NUP50: variants seen among roughly 807,000 people sequenced by gnomAD.
NUP50 encodes the protein nuclear pore complex protein Nup50.
A neutral mutation model predicts 36.8 loss-of-function variants in NUP50; 14 were observed. The ratio of observed to expected loss-of-function variants is 0.38; its 90% confidence interval spans 0.25 to 0.59. The LOEUF is 0.59. Ranked by LOEUF, NUP50 falls within the 20% of genes least tolerant of loss-of-function variation. The probability of loss-of-function intolerance (pLI) is 0.63; values close to 1 mark genes in which losing one functional copy is unlikely to be tolerated. For synonymous variants in NUP50, 195 were observed against 210.8 expected (o/e 0.93, Z 0.65); for missense variants, 455 against 564.6 (o/e 0.81, Z 1.97).
chr22:45,170,693 G>T (rs183089343), intron 2 of NUP50, among the ~76,000 whole-genome samples: 4 of 151,972 alleles, frequency 2.6e-5, no homozygotes, highest in Non-Finnish European at 5.9e-5. Flanking sequence ...TTGGTTTTTT[G>T]TTGTTGTTGG....
At chr22:45,165,240 C>T (rs1353613995) in intron 1 of NUP50, among the ~76,000 whole-genome samples, 2 of 152,098 alleles carry the variant, frequency 1.3e-5, no homozygotes, top group Non-Finnish European at 2.9e-5. Flanking sequence ...TTTTAAATTC[C>T]CTTTTATTGA....
At chr22:45,175,255 C>G (rs748990349) in intron 3 of NUP50, among the ~76,000 whole-genome samples, 6 of 152,116 alleles carry the variant, frequency 3.9e-5, no homozygotes, top group Non-Finnish European at 7.4e-5. Flanking sequence ...TGTGAGCAGG[C>G]TAGCACAAAG....
Position 45,186,660 on chromosome 22 carries a change from A to G in NUP50, c.*2005A>G, listed in dbSNP as rs1179309525. 3 of 152,682 alleles carry G rather than the reference A, an allele frequency of 2.0e-5. No individual in the cohort carries two copies. The highest frequency in any genetic ancestry group is 7.2e-5 in the African/African-American group (3 of 41,474). 9.5% of individuals were successfully genotyped at this position (152,682 alleles called of 1,614,324 possible). On this transcript the variant is annotated 3_prime_UTR_variant, in exon 8 of 8. Coordinates refer to ENST00000347635, the MANE Select transcript of NUP50 (RefSeq NM_007172.4). ...TGTAAAAAATAGTTTATATATTTTT[A>G]AATTAGTAGGTATGTGTGGCTTCCT...
Position 45,184,608 on chromosome 22 carries a change from G to A in NUP50, c.1360G>A (p.Asp454Asn), listed in dbSNP as rs746806053. ...TMLIRVKTSE[D>N]ADELHKILLE... ...GTTGATTCGGGTAAAAACCAGCGAG[G>A]ATGCAGACGAGTTGCACAAAATTTT... Residue 454 changes from aspartate (D) to asparagine (N), a missense_variant, in exon 8 of 8, where the codon GAT becomes AAT. By Grantham distance (23) the Asp-to-Asn change is conservative. This residue lies in a region of NUP50 where 287 missense variants were observed against 345.5 expected (regional missense o/e 0.83). Transcript: ENST00000347635. 1.7e-5 allele frequency: 28 copies of A among 1,613,464 alleles called. No homozygotes were observed. Among genetic ancestry groups the A allele is most frequent in the Non-Finnish European group, 2.4e-5 (28 of 1,179,492 alleles).
intron 3 of NUP50, 154 bp downstream of exon 3, chr22:45,171,837 C>G (rs980364885): frequency 3.2e-6 from 2 of 618,040 alleles, no homozygotes; most frequent in African/African-American, 3.7e-5. Context: ...AAATAAGAAA[C>G]GTCAGGTCTG....
chr22:45,167,385 C>T (rs1474542347), intron 1 of NUP50, among the ~76,000 whole-genome samples: 1 of 152,120 alleles, frequency 6.6e-6, no homozygotes, highest in African/African-American at 2.4e-5. Flanking sequence ...GAAAACAAAT[C>T]GTAAATTTTA....
intron 3 of NUP50, among the ~76,000 whole-genome samples, chr22:45,175,438 G>A (rs527636918): frequency 1.3e-5 from 2 of 152,296 alleles, no homozygotes; most frequent in South Asian, 4.1e-4. Context: ...CAGATGTTAA[G>A]AAATTAGGCA....
chr22:45,170,619 G>A (rs132872), intron 2 of NUP50, among the ~76,000 whole-genome samples: 31,014 of 151,990 alleles, frequency 0.2, 3,725 homozygotes, highest in East Asian at 0.57. Context: ...AAGGATGTGA[G>A]TGTTTTGACA....
At chr22:45,179,622 C>G (rs889991066) in intron 5 of NUP50, among the ~76,000 whole-genome samples, 1 of 152,226 alleles carries the variant, frequency 6.6e-6, no homozygotes, top group East Asian at 1.9e-4. Context: ...AGGTGGCCCA[C>G]ACCTGTAATC....
Position 45,165,488 on chromosome 22 carries a change from C to T in NUP50, c.-11+1192C>T, listed in dbSNP as rs181931009. ...TTCCAACTCCTGGCTTCAAGAGATCCTTCCGCCTCCCTTAAGTTCTTCATA... is the reference window on the plus strand; with the variant it reads ...TTCCAACTCCTGGCTTCAAGAGATCTTTCCGCCTCCCTTAAGTTCTTCATA... On this transcript the variant is annotated intron_variant, in intron 1 of 7. Coordinates refer to ENST00000347635, the MANE Select transcript of NUP50 (RefSeq NM_007172.4). Among the ~76,000 whole-genome samples, 405 of 152,316 alleles carry T rather than the reference C, an allele frequency of 2.7e-3. 10 individuals are homozygous for T. The highest frequency in any genetic ancestry group is 0.024 in the Admixed American group (374 of 15,300).
In NUP50 at chr22:45,178,814, A is replaced by G. The variant is rs2074320358; in HGVS notation, c.917A>G (p.Asp306Gly). The change falls in exon 5 of 8, where the codon GAT becomes GGT. Residue 306 changes from aspartate to glycine, a missense_variant. Transcript: ENST00000347635. ...GGAAACTCCAGTTTATTTGGCAAAG[A>G]TACTACCCAGAGTAAACCAGTCTCT... Reference protein sequence around the residue: ...SPGNSSLFGKDTTQSKPVSSP... With the variant: ...SPGNSSLFGKGTTQSKPVSSP... The G allele has an allele frequency of 6.2e-7, 1 of 1,614,104 alleles. No homozygotes were observed. Among genetic ancestry groups the G allele is most frequent in the Non-Finnish European group, 8.5e-7 (1 of 1,179,988 alleles).
Position 45,184,465 on chromosome 22 carries a change from T to C in NUP50, c.1217T>C (p.Leu406Pro), listed in dbSNP as rs748392530. The C allele has an allele frequency of 6.2e-7, 1 of 1,614,014 alleles. No individual in the cohort carries two copies. Among genetic ancestry groups the C allele is most frequent in the Non-Finnish European group, 8.5e-7 (1 of 1,179,856 alleles). Residue 406 changes from leucine to proline, a missense_variant, in exon 8 of 8, where the codon CTG (leucine) becomes CCG (proline). Physicochemically the swap from Leu to Pro is moderately conservative, Grantham distance 98 (BLOSUM62 -3). Coordinates refer to ENST00000347635, the MANE Select transcript of NUP50 (RefSeq NM_007172.4). ...RADTNLGNIL[L>P]NVLIPPNMPC... ...TGTTTGAATGCAGGCAACATATTGC[T>C]GAACGTTCTGATTCCACCCAATATG...
In NUP50 at chr22:45,184,706, G is replaced by A. The variant is rs777194973; in HGVS notation, c.*51G>A. 1.5e-4 allele frequency: 199 copies of A among 1,338,822 alleles called. No homozygotes were observed. Among genetic ancestry groups the A allele is most frequent in the Non-Finnish European group, 2.0e-4 (192 of 940,280 alleles). 82.9% of individuals were successfully genotyped at this position (1,338,822 alleles called of 1,614,324 possible). ...TTGCCAAGTTGCTGCTGCTTCCACC[G>A]CCCCTTAAAGTTAGTCAGTTTTTCT... On this transcript the variant is annotated 3_prime_UTR_variant, in exon 8 of 8. Transcript: ENST00000347635.
intron 4 of NUP50, chr22:45,177,900 G>A (rs1341124015): frequency 1.7e-5 from 4 of 232,864 alleles, no homozygotes; most frequent in East Asian, 1.1e-4. Flanking sequence ...AGTCCGAGGC[G>A]GGCAGATCAT....
intron 2 of NUP50, chr22:45,171,029 AGCTTTCT>A: frequency 7.7e-7 from 1 of 1,304,234 alleles, no homozygotes; most frequent in Non-Finnish European, 1.0e-6. Context: ...GATATTCAGC[AGCTTTCT>A]GACGTGGACA....
intron 4 of NUP50, among the ~76,000 whole-genome samples, chr22:45,176,753 G>A (rs796483309): frequency 6.6e-6 from 1 of 152,060 alleles, no homozygotes; most frequent in Non-Finnish European, 1.5e-5. Context: ...TGTTGTTGTT[G>A]TTTTTTCTAA....
intron 6 of NUP50, among the ~76,000 whole-genome samples, chr22:45,182,570 CA>C (rs2074390297): frequency 6.7e-6 from 1 of 149,418 alleles, no homozygotes; most frequent in South Asian, 2.1e-4. Context: ...GAATGTTTTC[CA>C]AATTTATTTA....
chr22:45,173,531 C>T (rs941665832), intron 3 of NUP50, among the ~76,000 whole-genome samples: 1 of 152,066 alleles, frequency 6.6e-6, no homozygotes, highest in Non-Finnish European at 1.5e-5. Context: ...TTGGTACACT[C>T]AAGTGGAGTG....
intron 6 of NUP50, among the ~76,000 whole-genome samples, chr22:45,181,922 T>C (rs1367445546): frequency 6.6e-6 from 1 of 152,216 alleles, no homozygotes; most frequent in African/African-American, 2.4e-5. Context: ...TGAAAAAACA[T>C]CTGTGCCATT....
Sources: gnomAD v4.1 joint callset for allele counts (sites outside exome capture counted in the v4.1 genomes callset) on GRCh38, gnomAD v4.1.1 for gene constraint, gnomAD v4.1.1 regional missense constraint, MANE v1.5 for transcripts, NCBI Gene and HGNC (gene_info 2026-07-23, HGNC 2026-07-21) for gene names.